LRRIQ3: variants seen among roughly 807,000 people sequenced by gnomAD.
LRRIQ3 encodes leucine-rich repeat and IQ domain-containing protein 3.
Under a neutral mutation model 59.3 loss-of-function variants are expected in LRRIQ3, and 75 were observed. The observed-to-expected ratio is 1.26, with a 90% CI of 1.05 to 1.53. LRRIQ3 has a LOEUF of 1.53. LRRIQ3 is among the 40% of genes most tolerant of loss of function. The probability of loss-of-function intolerance (pLI) is 0.00; values close to 1 mark genes in which losing one functional copy is unlikely to be tolerated. For synonymous variants in LRRIQ3, 250 were observed against 231.3 expected (o/e 1.08, Z -0.73); for missense variants, 831 against 710.0 (o/e 1.17, Z -1.94).
chr1:74,131,719 T>C (rs935721250), intron 4 of LRRIQ3, among the ~76,000 whole-genome samples: 1 of 152,084 alleles, frequency 6.6e-6, no homozygotes, highest in African/African-American at 2.4e-5. Flanking sequence ...ATTGATGAGA[T>C]GTATCTCAAA....
chr1:74,142,698 T>C (rs953596829), intron 4 of LRRIQ3, among the ~76,000 whole-genome samples: 3 of 152,000 alleles, frequency 2.0e-5, no homozygotes, highest in Non-Finnish European at 2.9e-5. Context: ...GGTATATTCA[T>C]CTGAACCCAT....
chr1:74,176,909 GCTTCA>G (rs1649676887), intron 3 of LRRIQ3, among the ~76,000 whole-genome samples: 1 of 152,096 alleles, frequency 6.6e-6, no homozygotes, highest in Admixed American at 6.6e-5. Context: ...GTGTTGGGTT[GCTTCA>G]CTTGAGTCTC....
intron 5 of LRRIQ3, chr1:74,084,335 C>A: frequency 9.7e-7 from 1 of 1,027,572 alleles, no homozygotes; most frequent in Admixed American, 2.9e-5. Context: ...ACAGTGAGCT[C>A]AAGATTTGCT....
At chr1:74,187,006 A>G (rs1650431847) in intron 1 of LRRIQ3, among the ~76,000 whole-genome samples, 1 of 152,114 alleles carries the variant, frequency 6.6e-6, no homozygotes, top group Admixed American at 6.6e-5. Flanking sequence ...CTCCTGCAAG[A>G]ATGGCCATAA....
Position 74,182,576 on chromosome 1 carries a change from G to T in LRRIQ3, c.535C>A (p.His179Asn). ...GGGCAGAAATTAAAGAAAAGTCGAT[G>T]GTTACATGCTTTGAATCTTTCAGGA... is the stretch of plus-strand genomic sequence containing the variant. ...HLPERFKACN[H>N]RLFFNFCPAL... Residue 179 changes from histidine to asparagine, a missense_variant, in exon 3 of 8, where the codon CAT becomes AAT. Physicochemically the swap from His to Asn is moderately conservative, Grantham distance 68. Transcript: ENST00000354431. 1 of 1,583,196 alleles carries T rather than the reference G, an allele frequency of 6.3e-7. No individual in the cohort carries two copies. The highest frequency in any genetic ancestry group is 8.6e-7 in the Non-Finnish European group (1 of 1,165,660).
intron 3 of LRRIQ3, among the ~76,000 whole-genome samples, chr1:74,165,271 T>C (rs187817573): frequency 6.6e-6 from 1 of 151,722 alleles, no homozygotes; most frequent in East Asian, 1.9e-4. Flanking sequence ...TTTTTATTTT[T>C]TAAATCAGTG....
At chr1:74,106,832 A>T (rs555925042) in intron 5 of LRRIQ3, among the ~76,000 whole-genome samples, 1 of 152,110 alleles carries the variant, frequency 6.6e-6, no homozygotes, top group African/African-American at 2.4e-5. Flanking sequence ...ATTGGATTTA[A>T]TTGAACTCCC....
intron 5 of LRRIQ3, among the ~76,000 whole-genome samples, chr1:74,096,850 C>T (rs1646455557): frequency 6.6e-6 from 1 of 152,118 alleles, no homozygotes; most frequent in Non-Finnish European, 1.5e-5. Context: ...GCATAGGAGG[C>T]TGCAGAACAG....
intron 7 of LRRIQ3, among the ~76,000 whole-genome samples, chr1:74,031,756 T>C (rs1205753397): frequency 1.3e-5 from 2 of 151,968 alleles, no homozygotes; most frequent in Non-Finnish European, 2.9e-5. Context: ...GAACTTAAAG[T>C]ATAATAAAAA....
chr1:74,050,540 T>C, intron 6 of LRRIQ3: 1 of 985,416 alleles, frequency 1.0e-6, no homozygotes, highest in African/African-American at 1.7e-5. Flanking sequence ...CTTGTTTGAT[T>C]CTTCTGAACG....
Position 74,041,722 on chromosome 1 carries a change from A to G in LRRIQ3, c.1209T>C (p.Ser403=). Residue 403 remains serine (S), a synonymous_variant, in exon 7 of 8, where the codon AGT becomes AGC. Coordinates refer to ENST00000354431, the MANE Select transcript of LRRIQ3 (RefSeq NM_001105659.2). ...IIKKDIRLER[S]MKEFFAPQRA... ...TTTGTGGTGCAAAAAACTCTTTCATACTCCGCTCCAATCGTATGTCTTTTT... is the reference window on the plus strand; with the variant it reads ...TTTGTGGTGCAAAAAACTCTTTCATGCTCCGCTCCAATCGTATGTCTTTTT... 1 of 1,613,428 alleles carries G rather than the reference A, an allele frequency of 6.2e-7. No individual in the cohort carries two copies. The highest frequency in any genetic ancestry group is 2.2e-5 in the East Asian group (1 of 44,826).
chr1:74,187,058 G>A (rs1419433680), intron 1 of LRRIQ3, among the ~76,000 whole-genome samples: 2 of 152,098 alleles, frequency 1.3e-5, no homozygotes, highest in Non-Finnish European at 2.9e-5. Flanking sequence ...TGGATGTGGT[G>A]AAAAGGGAAT....
intron 1 of LRRIQ3, among the ~76,000 whole-genome samples, chr1:74,186,699 A>T (rs914015336): frequency 1.3e-5 from 2 of 152,136 alleles, no homozygotes; most frequent in Non-Finnish European, 2.9e-5. Context: ...CACAAATCCA[A>T]ATTTGGGATA....
chr1:74,146,633 ATTATT>A (rs1033391074), intron 4 of LRRIQ3, among the ~76,000 whole-genome samples: 17 of 152,206 alleles, frequency 1.1e-4, no homozygotes, highest in African/African-American at 3.9e-4. Flanking sequence ...AATAATACAA[ATTATT>A]TTATTTTATT....
chr1:74,078,189 AT>A (rs1332002657), intron 5 of LRRIQ3, among the ~76,000 whole-genome samples: 1 of 151,858 alleles, frequency 6.6e-6, no homozygotes, highest in Non-Finnish European at 1.5e-5. Context: ...TTAGATAGAG[AT>A]CAGAAACGTT....
chr1:74,051,028 C>A (rs189674227), intron 6 of LRRIQ3, among the ~76,000 whole-genome samples: 1 of 152,072 alleles, frequency 6.6e-6, no homozygotes, highest in Admixed American at 6.6e-5. Context: ...TAAAGCTCTC[C>A]TGGGGATTTA....
chr1:74,049,254 G>T (rs1180338667), intron 6 of LRRIQ3, among the ~76,000 whole-genome samples: 1 of 152,132 alleles, frequency 6.6e-6, no homozygotes, highest in African/African-American at 2.4e-5. Flanking sequence ...ATTCTATGCG[G>T]CATGGTAGGT....
intron 3 of LRRIQ3, among the ~76,000 whole-genome samples, chr1:74,156,188 G>A (rs1464354154): frequency 6.6e-6 from 1 of 151,950 alleles, no homozygotes; most frequent in Admixed American, 6.6e-5. Context: ...CTGGTTGTGG[G>A]ACCACCCCTT....
chr1:74,056,853 T>G lies in LRRIQ3; in HGVS notation c.998-14920A>C, dbSNP rs557875893. On this transcript the variant is annotated intron_variant, in intron 6 of 7. Coordinates refer to ENST00000354431, the MANE Select transcript of LRRIQ3 (RefSeq NM_001105659.2). ...ACCCCCACATGTTGAGGGAGGGACC[T>G]GGTGGGATGTAATTGGATCATGGAG... 1.6e-4 allele frequency among the ~76,000 whole-genome samples: 25 copies of G among 152,222 alleles called. No homozygotes were observed. The South Asian group carries it at 5.0e-3, about 30-fold the overall frequency.
Sources: gnomAD v4.1 joint callset for allele counts (sites outside exome capture counted in the v4.1 genomes callset) on GRCh38, gnomAD v4.1.1 for gene constraint, MANE v1.5 for transcripts, NCBI Gene and HGNC (gene_info 2026-07-23, HGNC 2026-07-21) for gene names.